Variants in LRRC4C observed in about 807,000 individuals in gnomAD.
LRRC4C encodes leucine rich repeat containing 4C.
Under a neutral mutation model 33.6 loss-of-function variants are expected in LRRC4C, and 5 were observed. The ratio of observed to expected loss-of-function variants is 0.15; its 90% CI spans 0.08 to 0.31. LRRC4C has a LOEUF of 0.31. LRRC4C is among the 10% of genes least tolerant of loss of function. LRRC4C has a pLI of 1.00. For synonymous variants in LRRC4C, 329 were observed against 302.0 expected, an observed-to-expected ratio of 1.09 and a Z score of -0.93; for missense variants, 560 against 796.7, an observed-to-expected ratio of 0.70 and a Z score of 3.58.
chr11:41,341,516 C>T (rs759546462), intron 1 of LRRC4C, among the ~76,000 whole-genome samples: 3 of 152,034 alleles, frequency 2.0e-5, no homozygotes, highest in Non-Finnish European at 4.4e-5. Flanking sequence ...TGCTTTTCCC[C>T]CCATTAGTTG....
intron 2 of LRRC4C, among the ~76,000 whole-genome samples, chr11:40,791,702 A>T (rs1950628497): frequency 6.6e-6 from 1 of 152,222 alleles, no homozygotes; most frequent in African/African-American, 2.4e-5. Context: ...TATGAGTGGG[A>T]GGGGGATTGT....
chr11:40,690,991 CG>C (rs1945195671), intron 2 of LRRC4C, among the ~76,000 whole-genome samples: 1 of 151,990 alleles, frequency 6.6e-6, no homozygotes, highest in Non-Finnish European at 1.5e-5. Context: ...ATAACACAAT[CG>C]GAAGTGGTAA....
At chr11:40,545,153 C>T (rs1956864245) in intron 3 of LRRC4C, among the ~76,000 whole-genome samples, 2 of 152,026 alleles carry the variant, frequency 1.3e-5, no homozygotes, top group African/African-American at 4.8e-5. Flanking sequence ...TTTCACAGCA[C>T]TCTACAAATC....
chr11:40,820,440 C>A (rs1401492270), intron 2 of LRRC4C, among the ~76,000 whole-genome samples: 1 of 151,754 alleles, frequency 6.6e-6, no homozygotes, highest in Non-Finnish European at 1.5e-5. Flanking sequence ...ATCAGGAAAT[C>A]TGAATATAGT....
intron 3 of LRRC4C, among the ~76,000 whole-genome samples, chr11:40,623,844 TATCTC>T (rs1287455206): frequency 5.3e-5 from 8 of 152,224 alleles, no homozygotes; most frequent in Non-Finnish European, 8.8e-5. Flanking sequence ...ATTTGGTCCT[TATCTC>T]AACAGAATCA....
intron 3 of LRRC4C, among the ~76,000 whole-genome samples, chr11:40,591,947 A>G (rs1346819559): frequency 1.3e-5 from 2 of 152,330 alleles, no homozygotes; most frequent in East Asian, 3.9e-4. Flanking sequence ...TTTTGCGTCT[A>G]TCCTATAAAA....
chr11:40,446,057 A>G (rs2138021510), intron 3 of LRRC4C: 1 of 152,256 alleles, frequency 6.6e-6, no homozygotes. Flanking sequence ...TCTCCTGAAA[A>G]GTTTTGCTAC....
At chr11:40,614,697 T>C (rs1961587131) in intron 3 of LRRC4C, among the ~76,000 whole-genome samples, 2 of 151,690 alleles carry the variant, frequency 1.3e-5, no homozygotes, top group South Asian at 4.1e-4. Flanking sequence ...GAGAGCCATG[T>C]GAGTCTTCCC....
chr11:41,281,000 T>C (rs1949644867), intron 1 of LRRC4C, among the ~76,000 whole-genome samples: 1 of 151,490 alleles, frequency 6.6e-6, no homozygotes, highest in Non-Finnish European at 1.5e-5. Context: ...CCTAGTATTT[T>C]TTTCCATCTT....
chr11:40,245,209 T>C (rs1866235308), intron 4 of LRRC4C, among the ~76,000 whole-genome samples: 1 of 152,180 alleles, frequency 6.6e-6, no homozygotes, highest in South Asian at 2.1e-4. Flanking sequence ...GACTTAATTC[T>C]CACCCAAGTC....
intron 3 of LRRC4C, among the ~76,000 whole-genome samples, chr11:40,642,411 C>A (rs946253822): frequency 6.6e-6 from 1 of 152,144 alleles, no homozygotes; most frequent in Admixed American, 6.5e-5. Flanking sequence ...TACTTCCCAT[C>A]AGCTGAATGT....
intron 6 of LRRC4C, among the ~76,000 whole-genome samples, chr11:40,134,488 T>C (rs1366980946): frequency 6.6e-6 from 1 of 152,022 alleles, no homozygotes; most frequent in East Asian, 1.9e-4. Context: ...AACTCTAAGA[T>C]GAATGGTTTG....
At chr11:41,292,852 T>C (rs929681699) in intron 1 of LRRC4C, among the ~76,000 whole-genome samples, 1 of 152,186 alleles carries the variant, frequency 6.6e-6, no homozygotes, top group African/African-American at 2.4e-5. Flanking sequence ...TGAAATATAG[T>C]AATATGTATC....
At chr11:40,509,417 AT>A (rs1955195399) in intron 3 of LRRC4C, among the ~76,000 whole-genome samples, 1 of 152,150 alleles carries the variant, frequency 6.6e-6, no homozygotes, top group Non-Finnish European at 1.5e-5. Context: ...ATTTAAATTT[AT>A]TTTGCAATTG....
At position 40,115,866 on chromosome 11, in the gene LRRC4C, C is replaced by T. The variant is rs1231833478; in HGVS notation, c.427G>A (p.Ala143Thr). 6.2e-7 allele frequency: 1 copy of T among 1,614,168 alleles called. No individual in the cohort carries two copies. The change falls in exon 7 of 7, where the codon GCT becomes ACT. Residue 143 changes from alanine (A) to threonine (T), a missense_variant. Ala to Thr is a moderately conservative substitution (Grantham distance 58). Coordinates refer to ENST00000528697, the MANE Select transcript of LRRC4C (RefSeq NM_001258419.2). This position sits in a 1 kb window ranked among gnomAD's most constrained non-coding sequence, Gnocchi z 6.7. ...DNRLTTIPNGAFVYLSKLKEL... is the reference protein window; with the variant it reads ...DNRLTTIPNGTFVYLSKLKEL... ...TTCAGTTTAGACAAGTATACAAAAG[C>T]TCCATTCGGGATGGTAGTAAGACGA...
intron 1 of LRRC4C, among the ~76,000 whole-genome samples, chr11:41,438,046 T>TAAAA: frequency 7.2e-6 from 1 of 138,364 alleles, no homozygotes; most frequent in Admixed American, 7.6e-5. Context: ...CTCAAATAAA[T>TAAAA]AAATAAATAA....
chr11:41,278,589 G>A (rs1949555112), intron 1 of LRRC4C, among the ~76,000 whole-genome samples: 1 of 152,216 alleles, frequency 6.6e-6, no homozygotes, highest in African/African-American at 2.4e-5. Context: ...TGTTAAGACA[G>A]ATTGCTGGGC....
intron 2 of LRRC4C, among the ~76,000 whole-genome samples, chr11:40,749,685 G>A (rs1173374682): frequency 1.3e-5 from 2 of 149,472 alleles, no homozygotes; most frequent in Admixed American, 6.7e-5. Flanking sequence ...GAAATAGAAA[G>A]TTGGTTCTTC....
At chr11:41,382,708 T>C (rs752402840) in intron 1 of LRRC4C, among the ~76,000 whole-genome samples, 4 of 152,128 alleles carry the variant, frequency 2.6e-5, no homozygotes, top group Non-Finnish European at 5.9e-5. Context: ...GTTAGTGTTA[T>C]GGACTCATAA....
Sources: allele counts gnomAD v4.1 joint callset (sites outside exome capture counted in the v4.1 genomes callset), GRCh38; gene constraint gnomAD v4.1.1; non-coding constraint Gnocchi (gnomAD v3.1); transcripts MANE v1.5; gene names NCBI Gene and HGNC (gene_info 2026-07-23, HGNC 2026-07-21).